Variants in SLC35F3 observed in about 807,000 individuals in gnomAD.
The protein encoded by SLC35F3 is solute carrier family 35 member F3.
In SLC35F3, 25 loss-of-function variants were observed where a neutral mutation model predicts 49.9. The ratio of observed to expected loss-of-function variants is 0.50; its 90% CI spans 0.37 to 0.70. The LOEUF is 0.70. SLC35F3 is among the 30% of genes least tolerant of loss of function. The pLI is 0.00. For synonymous variants in SLC35F3, 275 were observed against 265.4 expected, an observed-to-expected ratio of 1.04 and a Z score of -0.35; for missense variants, 525 against 639.8, an observed-to-expected ratio of 0.82 and a Z score of 1.94.
At chr1:234,107,941 A>G (rs1665308831) in intron 2 of SLC35F3, among the ~76,000 whole-genome samples, 1 of 151,912 alleles carries the variant, frequency 6.6e-6, no homozygotes, top group Non-Finnish European at 1.5e-5. Context: ...TGACTTGCTT[A>G]CTTGGGCACT....
chr1:233,932,733 C>T (rs1328794341), intron 2 of SLC35F3, among the ~76,000 whole-genome samples: 2 of 152,152 alleles, frequency 1.3e-5, no homozygotes, highest in African/African-American at 4.8e-5. Flanking sequence ...AGGATGATGA[C>T]CACCTAGGAC....
chr1:233,939,688 A>G (rs979651422), intron 2 of SLC35F3, among the ~76,000 whole-genome samples: 1 of 152,158 alleles, frequency 6.6e-6, no homozygotes, highest in South Asian at 2.1e-4. Context: ...TGCCTTAACC[A>G]TGGACAGTGC....
intron 2 of SLC35F3, among the ~76,000 whole-genome samples, chr1:234,121,073 A>G (rs1333143066): frequency 2.0e-5 from 3 of 151,198 alleles, no homozygotes; most frequent in Non-Finnish European, 2.9e-5. Context: ...ATAGCCCATG[A>G]TAATTTTTTT....
At chr1:234,216,726 G>A (rs1282394311) in intron 2 of SLC35F3, among the ~76,000 whole-genome samples, 5 of 152,224 alleles carry the variant, frequency 3.3e-5, no homozygotes, top group African/African-American at 7.2e-5. Context: ...AGTTGGATTT[G>A]TGTAAATCAC....
chr1:233,951,835 G>A lies in SLC35F3; in HGVS notation c.283+46077G>A, dbSNP rs1317190362. Among the ~76,000 whole-genome samples the A allele has an allele frequency of 2.0e-5, 3 of 152,066 alleles. No individual in the cohort carries two copies. The East Asian group carries it at 5.8e-4, about 29-fold the overall frequency. On this transcript the variant is annotated intron_variant, in intron 2 of 7. Coordinates refer to ENST00000366618, the MANE Select transcript of SLC35F3 (RefSeq NM_173508.4). ...GATCCTCTCCCTTGGGCCTCCCAAAGTGCTGAGATTATAGGCATGAACCAC... is the reference window on the plus strand; with the variant it reads ...GATCCTCTCCCTTGGGCCTCCCAAAATGCTGAGATTATAGGCATGAACCAC...
At chr1:234,246,385 C>T (rs1667630891) in intron 3 of SLC35F3, among the ~76,000 whole-genome samples, 1 of 152,166 alleles carries the variant, frequency 6.6e-6, no homozygotes, top group Non-Finnish European at 1.5e-5. Flanking sequence ...TCAGCTGCAG[C>T]ATCTGCTGTC....
intron 2 of SLC35F3, among the ~76,000 whole-genome samples, chr1:234,201,221 A>G (rs1381649026): frequency 1.3e-5 from 2 of 152,254 alleles, no homozygotes; most frequent in Admixed American, 6.5e-5. Context: ...CCTATGAATT[A>G]ATATGTAATG....
At chr1:234,255,293 CAAT>C (rs1242912597) in intron 3 of SLC35F3, among the ~76,000 whole-genome samples, 4 of 152,128 alleles carry the variant, frequency 2.6e-5, no homozygotes, top group South Asian at 4.1e-4. Flanking sequence ...TTTAAAACAA[CAAT>C]GAGATACCAC....
At chr1:234,146,869 A>T (rs559325205) in intron 2 of SLC35F3, among the ~76,000 whole-genome samples, 1 of 152,214 alleles carries the variant, frequency 6.6e-6, no homozygotes, top group Admixed American at 6.5e-5. Context: ...GCTCTTTTTA[A>T]TGAAGACTTT....
chr1:234,236,081 G>T (rs975486881), intron 3 of SLC35F3, among the ~76,000 whole-genome samples: 17 of 152,086 alleles, frequency 1.1e-4, no homozygotes, highest in African/African-American at 4.1e-4. Flanking sequence ...AGCTGAGAGT[G>T]GGGGAAGGCC....
intron 3 of SLC35F3, among the ~76,000 whole-genome samples, chr1:234,279,043 G>A (rs952118537): frequency 6.6e-6 from 1 of 152,232 alleles, no homozygotes; most frequent in Non-Finnish European, 1.5e-5. Flanking sequence ...AAGGTGGTCC[G>A]AGCACAGCTT....
intron 2 of SLC35F3, among the ~76,000 whole-genome samples, chr1:233,941,616 A>G (rs922464893): frequency 2.0e-5 from 3 of 152,194 alleles, no homozygotes; most frequent in African/African-American, 7.2e-5. Context: ...CAATTATACC[A>G]AACTGAAACA....
At chr1:234,114,327 G>GT (rs879456621) in intron 2 of SLC35F3, among the ~76,000 whole-genome samples, 5 of 152,310 alleles carry the variant, frequency 3.3e-5, no homozygotes, top group East Asian at 1.9e-4. Flanking sequence ...TAATTCTTGA[G>GT]TTTTTGTTGT....
chr1:233,993,491 G>A (rs1663400464), intron 2 of SLC35F3, among the ~76,000 whole-genome samples: 1 of 152,066 alleles, frequency 6.6e-6, no homozygotes, highest in Admixed American at 6.5e-5. Flanking sequence ...AAATCTGAAG[G>A]GCATCATATA....
At chr1:234,222,912 T>C (rs1667229996) in intron 2 of SLC35F3, among the ~76,000 whole-genome samples, 1 of 152,198 alleles carries the variant, frequency 6.6e-6, no homozygotes, top group Admixed American at 6.5e-5. Flanking sequence ...GGAGGCATCA[T>C]GTGCCCAGGC....
intron 3 of SLC35F3, among the ~76,000 whole-genome samples, chr1:234,235,081 A>G (rs1667443431): frequency 1.3e-5 from 2 of 152,154 alleles, no homozygotes; most frequent in Admixed American, 6.5e-5. Flanking sequence ...GTGCCTTCAC[A>G]GGGCATACAA....
intron 2 of SLC35F3, among the ~76,000 whole-genome samples, chr1:233,938,280 A>G (rs1262891971): frequency 6.6e-6 from 1 of 152,224 alleles, no homozygotes; most frequent in Admixed American, 6.5e-5. Flanking sequence ...TGTGAAAGCT[A>G]GTTTTCAATT....
At position 234,200,784 on chromosome 1, in the gene SLC35F3, A is replaced by G. The variant is rs542365127; in HGVS notation, c.284-30633A>G. 1.2e-4 allele frequency among the ~76,000 whole-genome samples: 19 copies of G among 152,302 alleles called. 1 individual carries two copies. The South Asian group carries it at 3.7e-3, about 30-fold the overall frequency. On this transcript the variant is annotated intron_variant, in intron 2 of 7. Transcript: ENST00000366618. The stretch of plus-strand genomic sequence containing the variant: ...TCTGAAATGCAGGCAGGTCCCATCA[A>G]TCTAAAATACTCTCGGCTTCATTGC...
chr1:234,167,906 T>C (rs1666342793), intron 2 of SLC35F3, among the ~76,000 whole-genome samples: 1 of 152,214 alleles, frequency 6.6e-6, no homozygotes, highest in African/African-American at 2.4e-5. Context: ...GTTGGCGCAC[T>C]TTCTGGAATA....
Sources: gnomAD v4.1 joint callset for allele counts (sites outside exome capture counted in the v4.1 genomes callset) on GRCh38, gnomAD v4.1.1 for gene constraint, MANE v1.5 for transcripts, NCBI Gene and HGNC (gene_info 2026-07-23, HGNC 2026-07-21) for gene names.